Variants in FSCN2 observed in about 807,000 individuals in gnomAD.
FSCN2 encodes fascin-2.
In FSCN2, 46 loss-of-function variants were observed where a neutral mutation model predicts 37.8. The observed-to-expected ratio is 1.22, with a 90% CI of 0.96 to 1.56. The LOEUF is 1.56. Ranked by LOEUF, FSCN2 falls within the 40% of genes most tolerant of loss-of-function variation. The pLI is 0.00. For synonymous variants in FSCN2, 351 were observed against 309.4 expected, an observed-to-expected ratio of 1.13 and a Z score of -1.41; for missense variants, 844 against 730.4, an observed-to-expected ratio of 1.16 and a Z score of -1.79.
chr17:81,529,697 G>A, intron 1 of FSCN2: 3 of 560,776 alleles, frequency 5.3e-6, no homozygotes, highest in South Asian at 1.5e-5. Context: ...GCAGTGCCCA[G>A]CAGGGGCAGG....
upstream of FSCN2, among the ~76,000 whole-genome samples, chr17:81,525,414 A>C (rs1239134203): frequency 4.7e-5 from 7 of 147,376 alleles, no homozygotes; most frequent in African/African-American, 1.3e-4. Context: ...CGACAGAGCA[A>C]GACTCTGTCT....
intron 1 of FSCN2, 42 bp downstream of exon 1, chr17:81,529,399 AC>A (rs782146822): frequency 3.5e-6 from 5 of 1,443,716 alleles, no homozygotes; most frequent in Non-Finnish European, 2.8e-6. Context: ...GGGTGCTGGG[AC>A]CCCCCTGCTT....
At chr17:81,517,649 A>G in the FSCN2 span, among the ~76,000 whole-genome samples, 3 of 152,044 alleles carry the variant, frequency 2.0e-5, no homozygotes, top group Non-Finnish European at 4.4e-5. Flanking sequence ...GCCCGAGAAG[A>G]AGGCTCCTTT....
rs1299048331 is a variant in FSCN2 at position 81,536,798 on chromosome 17, CGGGGCGGGTGGGCACGCG to C, written c.1273+12_1273+29del. ...CGCCTACCGGATCCGAGGTGCGTGG[CGGGGCGGGTGGGCACGCG>C]GGAGCGGGGGTGGCAGCGGGCAGGT... On this transcript the variant is annotated intron_variant, in intron 4 of 4. Transcript: ENST00000417245. 4.2e-5 allele frequency: 55 copies of C among 1,314,998 alleles called. No individual in the cohort carries two copies. The highest frequency in any genetic ancestry group is 5.6e-5 in the Non-Finnish European group (53 of 947,050). The allele number at this position is 1,314,998 out of a possible 1,614,324, so 81.5% of individuals were successfully genotyped here.
rs549616289 is a variant in FSCN2 at position 81,529,140 on chromosome 17, G to C, written c.609G>C (p.Glu203Asp). ...YLRSDGRLVW[E>D]PEPRACYTLE... ...GCAGCGACGGCCGTCTGGTCTGGGA[G>C]CCTGAGCCCCGTGCCTGCTACACGC... The change falls in exon 1 of 5, where the codon GAG (glutamate) becomes GAC (aspartate). Residue 203 changes from glutamate to aspartate, a missense_variant. Coordinates refer to ENST00000417245, the MANE Select transcript of FSCN2 (RefSeq NM_012418.4). The C allele has an allele frequency of 4.5e-5, 72 of 1,584,510 alleles. No individual in the cohort carries two copies. The highest frequency in any genetic ancestry group is 1.7e-4 in the Middle Eastern group (1 of 6,026).
At chr17:81,519,507 C>A in the FSCN2 span, among the ~76,000 whole-genome samples, 1 of 152,156 alleles carries the variant, frequency 6.6e-6, no homozygotes, top group African/African-American at 2.4e-5. Context: ...CGCTGTCGTT[C>A]CCACCTGGGC....
chr17:81,531,993 ATGGTGGTGG>A (rs528338870), intron 1 of FSCN2, among the ~76,000 whole-genome samples: 2 of 124,836 alleles, frequency 1.6e-5, no homozygotes, highest in African/African-American at 3.1e-5. Context: ...GATGATGGTG[ATGGTGGTGG>A]TGATGGTAGT....
chr17:81,531,324 G>A (rs2032564092), intron 1 of FSCN2, among the ~76,000 whole-genome samples: 1 of 30,616 alleles, frequency 3.3e-5, no homozygotes, highest in African/African-American at 9.3e-5. Flanking sequence ...GGTGATGATG[G>A]TGGTGGTGGT....
upstream of FSCN2, among the ~76,000 whole-genome samples, chr17:81,526,805 A>G (rs890119151): frequency 4.9e-4 from 74 of 152,314 alleles, no homozygotes; most frequent in African/African-American, 1.6e-3. Flanking sequence ...GAAACCCCAG[A>G]CTGCGTCTCC....
the FSCN2 span, among the ~76,000 whole-genome samples, chr17:81,516,925 T>C: frequency 6.9e-6 from 1 of 143,974 alleles, no homozygotes; most frequent in African/African-American, 2.4e-5. Flanking sequence ...CCAGACCAGG[T>C]CTCTGCATGT....
At position 81,536,177 on chromosome 17, in the gene FSCN2, CGTGGCCGGCGGGT is replaced by C; in HGVS notation, c.1016_1028del (p.Arg339GlnfsTer13). ...CAACACCATGTTTGAGATGGAGTGG[CGTGGCCGGCGGGT>C]AGCACTCAAAGCCAGCAACGGGCGC... On this transcript the variant is annotated frameshift_variant, in exon 3 of 5. Coordinates refer to ENST00000417245, the MANE Select transcript of FSCN2 (RefSeq NM_012418.4). LOFTEE classifies it high-confidence loss of function. 6.2e-7 allele frequency: 1 copy of C among 1,604,790 alleles called. No homozygotes were observed.
chr17:81,536,429 A>C, intron 3 of FSCN2, 162 bp downstream of exon 3: 2 of 1,460,032 alleles, frequency 1.4e-6, no homozygotes, highest in Non-Finnish European at 1.8e-6. Context: ...TCGTCTTGGC[A>C]AGGGAAACAG....
At chr17:81,529,574 T>G in intron 1 of FSCN2, 1 of 755,240 alleles carries the variant, frequency 1.3e-6, no homozygotes, top group Non-Finnish European at 2.4e-6. Flanking sequence ...GGTGGTGGCT[T>G]CAGGGTCAGA....
chr17:81,537,048 GC>G lies in FSCN2; in HGVS notation c.1451del (p.Pro484ArgfsTer?). Reference protein sequence around the residue: ...ASGLLRADADAPAGTALWEY With the variant: ...ASGLLRADADXPAGTALWEY ...GGGCCTGCTGCGGGCCGATGCCGACGCCCCGGCCGGGACCGCGCTTTGGGAG... is the reference window on the plus strand; with the variant it reads ...GGGCCTGCTGCGGGCCGATGCCGACGCCCGGCCGGGACCGCGCTTTGGGAG... On this transcript the variant is annotated frameshift_variant, in exon 5 of 5. Coordinates refer to ENST00000417245, the MANE Select transcript of FSCN2 (RefSeq NM_012418.4). LOFTEE classifies it high-confidence loss of function. 1 of 1,469,654 alleles carries G rather than the reference GC, an allele frequency of 6.8e-7. No individual in the cohort carries two copies. The allele number at this position is 1,469,654 out of a possible 1,614,324, so 91.0% of individuals were successfully genotyped here.
Position 81,528,751 on chromosome 17 carries a change from G to A in FSCN2, c.220G>A (p.Asp74Asn), listed in dbSNP as rs1555670594. 1.3e-6 allele frequency: 2 copies of A among 1,587,200 alleles called. No homozygotes were observed. Among genetic ancestry groups the A allele is most frequent in the Non-Finnish European group, 1.7e-6 (2 of 1,168,326 alleles). The change falls in exon 1 of 5, where the codon GAC becomes AAC. Residue 74 changes from aspartate (D) to asparagine (N), a missense_variant. Coordinates refer to ENST00000417245, the MANE Select transcript of FSCN2 (RefSeq NM_012418.4). ...HLGRYLSAEE[D>N]GRVACEAEQP... ...GGGCCGCTACCTGTCGGCAGAAGAG[G>A]ACGGGCGCGTGGCCTGTGAGGCAGA...
At chr17:81,520,824 T>G in the FSCN2 span, among the ~76,000 whole-genome samples, 1 of 152,264 alleles carries the variant, frequency 6.6e-6, no homozygotes, top group African/African-American at 2.4e-5. Context: ...GGCTACTTCC[T>G]AGGCCCTGTT....
rs760643983 is a variant in FSCN2, at chr17:81,536,242, G to A, written c.1080G>A (p.Gln360=). The change falls in exon 3 of 5, where the codon CAG becomes CAA. Residue 360 remains glutamine (Q), a synonymous_variant. Coordinates refer to ENST00000417245, the MANE Select transcript of FSCN2 (RefSeq NM_012418.4). ...GRYVCMKKNG[Q]LAAISDFVGK... Reference sequence around the variant, plus strand: ...ACGTGTGCATGAAGAAGAATGGGCAGCTGGCGGCTATCAGCGATTTTGTCG... The same window carrying A: ...ACGTGTGCATGAAGAAGAATGGGCAACTGGCGGCTATCAGCGATTTTGTCG... 6.2e-7 allele frequency: 1 copy of A among 1,601,634 alleles called. No individual in the cohort carries two copies. Among genetic ancestry groups the A allele is most frequent in the Non-Finnish European group, 8.5e-7 (1 of 1,174,906 alleles).
chr17:81,532,975 C>T (rs1203947767), intron 1 of FSCN2, among the ~76,000 whole-genome samples: 3 of 152,120 alleles, frequency 2.0e-5, no homozygotes, highest in Non-Finnish European at 4.4e-5. Context: ...AGGGTGAGGA[C>T]CCAACCACCA....
Position 81,535,156 on chromosome 17 carries a change from G to A in FSCN2, c.931G>A (p.Gly311Ser). The change falls in exon 2 of 5, where the codon GGC becomes AGC. Residue 311 changes from glycine to serine, a missense_variant. By Grantham distance (56) the Gly-to-Ser change is moderately conservative. Coordinates refer to ENST00000417245, the MANE Select transcript of FSCN2 (RefSeq NM_012418.4). The part of the protein sequence containing the change: ...KKCTFYSSTG[G>S]YWTLVTHGGI... ...GTGCACCTTCTATTCCAGCACTGGG[G>A]GCTACTGGACCCTGGTCACCCATGG... 5 of 1,533,884 alleles carry A rather than the reference G, an allele frequency of 3.3e-6. No individual in the cohort carries two copies. The highest frequency in any genetic ancestry group is 4.4e-6 in the Non-Finnish European group (5 of 1,145,484).
Sources: gnomAD v4.1 joint callset for allele counts (sites outside exome capture counted in the v4.1 genomes callset) on GRCh38, gnomAD v4.1.1 for gene constraint, MANE v1.5 for transcripts, NCBI Gene and HGNC (gene_info 2026-07-23, HGNC 2026-07-21) for gene names.